PRIMA1: variants seen among roughly 807,000 people sequenced by gnomAD.
The protein encoded by PRIMA1 is proline rich membrane anchor 1, also known as proline-rich membrane anchor 1.
PRIMA1 carries 7 observed loss-of-function variants against 17.5 expected under a neutral mutation model. That is an observed-to-expected ratio of 0.40 (90% CI 0.23 to 0.75). The LOEUF (loss-of-function observed/expected upper bound fraction) is 0.75. PRIMA1 is among the 30% of genes least tolerant of loss of function. PRIMA1 has a pLI of 0.37. For synonymous variants in PRIMA1, 97 were observed against 77.9 expected, an observed-to-expected ratio of 1.25 and a Z score of -1.29; for missense variants, 200 against 201.8, an observed-to-expected ratio of 0.99 and a Z score of 0.05.
chr14:93,728,913 G>A (rs2076096950), intron 4 of PRIMA1, among the ~76,000 whole-genome samples: 1 of 152,186 alleles, frequency 6.6e-6, no homozygotes, highest in African/African-American at 2.4e-5. Flanking sequence ...TGGAAGATGG[G>A]TCTTTATAGG....
In PRIMA1 at chr14:93,721,664, G is replaced by A. The variant is rs2076039737; in HGVS notation, c.360-118C>T. ...GCATCCCTGCTCCGTGAGAGTGTCA[G>A]AAGGAAGCCAATGGCTCTGTCCTCG... On this transcript the variant is annotated intron_variant, in intron 4 of 4. Transcript: ENST00000393140. 1.0e-5 allele frequency: 7 copies of A among 668,632 alleles called. 1 individual carries two copies. The South Asian group carries it at 1.2e-4, about 12-fold the overall frequency. 41.4% of individuals were successfully genotyped at this position (668,632 alleles called of 1,614,324 possible).
intron 3 of PRIMA1, among the ~76,000 whole-genome samples, chr14:93,766,188 C>T (rs1595216855): frequency 1.3e-5 from 2 of 152,202 alleles, no homozygotes; most frequent in African/African-American, 4.8e-5. Flanking sequence ...AATGCCTCCT[C>T]ATGGTTCAAC....
At chr14:93,760,785 G>A (rs551590245) in intron 3 of PRIMA1, among the ~76,000 whole-genome samples, 33 of 152,244 alleles carry the variant, frequency 2.2e-4, no homozygotes, top group African/African-American at 7.9e-4. Flanking sequence ...GCAAACACTT[G>A]TTGGCCTCAC....
Position 93,787,613 on chromosome 14 carries a change from CGGCG to C in PRIMA1, c.93+9_93+12del. The C allele has an allele frequency of 6.5e-7, 1 of 1,540,034 alleles. No individual in the cohort carries two copies. The highest frequency in any genetic ancestry group is 8.7e-7 in the Non-Finnish European group (1 of 1,146,752). ...GAGGCCCTCCCAGCCAGTGCGCAGC[CGGCG>C]CGTCTCACCTGCACGAAGCCCCAGA... On this transcript the variant is annotated intron_variant, in intron 2 of 4. Transcript: ENST00000393140.
chr14:93,773,996 G>A (rs1386334359), intron 3 of PRIMA1, among the ~76,000 whole-genome samples: 1 of 152,146 alleles, frequency 6.6e-6, no homozygotes, highest in East Asian at 1.9e-4. Flanking sequence ...GGAAGCTGAG[G>A]CAGAAGAATC....
At chr14:93,750,064 C>T (rs148333101) in intron 3 of PRIMA1, among the ~76,000 whole-genome samples, 214 of 152,268 alleles carry the variant, frequency 1.4e-3, no homozygotes, top group African/African-American at 4.7e-3. Flanking sequence ...TGCCTGTAGT[C>T]CCTGCTACTT....
chr14:93,731,339 G>T (rs2076113460), intron 4 of PRIMA1, among the ~76,000 whole-genome samples: 1 of 109,422 alleles, frequency 9.1e-6, no homozygotes, highest in African/African-American at 3.0e-5. Context: ...CTTAGCATAT[G>T]GAGAGAAACA....
intron 3 of PRIMA1, among the ~76,000 whole-genome samples, chr14:93,767,846 C>T (rs1460805871): frequency 2.0e-5 from 3 of 152,186 alleles, no homozygotes; most frequent in African/African-American, 7.2e-5. Context: ...CTGCCTTGCT[C>T]ACCTGCCTCT....
intron 3 of PRIMA1, among the ~76,000 whole-genome samples, chr14:93,771,115 CATGT>C (rs1303544528): frequency 4.0e-5 from 6 of 150,818 alleles, no homozygotes; most frequent in African/African-American, 1.2e-4. Context: ...TACGCGTGTG[CATGT>C]ATGTGTGTGC....
At chr14:93,723,672 G>A (rs1216898293) in intron 4 of PRIMA1, among the ~76,000 whole-genome samples, 2 of 152,128 alleles carry the variant, frequency 1.3e-5, no homozygotes, top group East Asian at 3.9e-4. Flanking sequence ...AGTGCATCAT[G>A]CTTTGTGCAA....
intron 4 of PRIMA1, 45 bp downstream of exon 4, chr14:93,737,196 G>C: frequency 6.2e-7 from 1 of 1,606,380 alleles, no homozygotes; most frequent in Non-Finnish European, 8.5e-7. Flanking sequence ...AGCCCAGCTG[G>C]GGTTCCCTTC....
In PRIMA1 at chr14:93,737,237, T is replaced by C; in HGVS notation, c.359+4A>G. On this transcript the variant is annotated splice_donor_region_variant and intron_variant, in intron 4 of 4. Transcript: ENST00000393140. The stretch of plus-strand genomic sequence containing the variant: ...GAAGCTGGGTGCAGTGAGTGAGCAC[T>C]CACCTTTTTATGGCTTTGTAGCAAA... The C allele has an allele frequency of 6.2e-7, 1 of 1,614,082 alleles. No individual in the cohort carries two copies.
At chr14:93,725,597 C>T (rs1292731919) in intron 4 of PRIMA1, among the ~76,000 whole-genome samples, 1 of 152,184 alleles carries the variant, frequency 6.6e-6, no homozygotes, top group Non-Finnish European at 1.5e-5. Context: ...TACATAGCCT[C>T]TCTATGCCTC....
At chr14:93,747,002 A>C (rs1178934793) in intron 3 of PRIMA1, among the ~76,000 whole-genome samples, 1 of 152,198 alleles carries the variant, frequency 6.6e-6, no homozygotes, top group East Asian at 1.9e-4. Flanking sequence ...GTGAGAAAGC[A>C]GCTGGGGCCG....
chr14:93,767,097 G>A (rs1476347158), intron 3 of PRIMA1, among the ~76,000 whole-genome samples: 1 of 152,176 alleles, frequency 6.6e-6, no homozygotes, highest in African/African-American at 2.4e-5. Flanking sequence ...AGATCCTCTG[G>A]GCAGAGAAAG....
chr14:93,781,529 G>C (rs969520347), intron 2 of PRIMA1, among the ~76,000 whole-genome samples: 1 of 152,254 alleles, frequency 6.6e-6, no homozygotes, highest in Non-Finnish European at 1.5e-5. Context: ...GAGAGTTCAA[G>C]AGAAGCACGT....
Position 93,787,574 on chromosome 14 carries a change from C to G in PRIMA1, c.93+52G>C, listed in dbSNP as rs1885558773. 2.6e-6 allele frequency: 4 copies of G among 1,536,404 alleles called. No homozygotes were observed. The Admixed American group carries it at 7.8e-5, about 30-fold the overall frequency. On this transcript the variant is annotated intron_variant, in intron 2 of 4. Coordinates refer to ENST00000393140, the MANE Select transcript of PRIMA1 (RefSeq NM_178013.4). ...GGGTCTCAGGAGGGAAGGGACAGCT[C>G]GCCCCTTACCCAGGAGGCCCTCCCA...
chr14:93,775,279 G>C (rs1885179452), intron 3 of PRIMA1, among the ~76,000 whole-genome samples: 2 of 152,226 alleles, frequency 1.3e-5, no homozygotes, highest in African/African-American at 4.8e-5. Context: ...GCAAATGACA[G>C]TCCACTGGAC....
intron 3 of PRIMA1, among the ~76,000 whole-genome samples, chr14:93,769,254 A>G (rs1311871467): frequency 6.6e-6 from 1 of 152,226 alleles, no homozygotes; most frequent in East Asian, 1.9e-4. Context: ...TGAGTGGACA[A>G]TGTTCCAGGG....
Sources: allele counts gnomAD v4.1 joint callset (sites outside exome capture counted in the v4.1 genomes callset), GRCh38; gene constraint gnomAD v4.1.1; transcripts MANE v1.5; gene names NCBI Gene and HGNC (gene_info 2026-07-23, HGNC 2026-07-21).